KREMEN1: variants seen among roughly 807,000 people sequenced by gnomAD.
KREMEN1 encodes the protein kringle containing transmembrane protein 1.
In KREMEN1, 30 loss-of-function variants were observed where a neutral mutation model predicts 46.5. That is an observed-to-expected ratio of 0.65 (90% CI 0.48 to 0.88). KREMEN1 has a LOEUF of 0.88. KREMEN1 is among the 40% of genes least tolerant of loss of function. KREMEN1 has a pLI of 0.00. For synonymous variants in KREMEN1, 214 were observed against 230.6 expected, an observed-to-expected ratio of 0.93 and a Z score of 0.65; for missense variants, 533 against 596.9, an observed-to-expected ratio of 0.89 and a Z score of 1.11.
chr22:29,077,199 A>G (rs1234170310), intron 1 of KREMEN1, among the ~76,000 whole-genome samples: 4 of 152,216 alleles, frequency 2.6e-5, no homozygotes, highest in African/African-American at 9.6e-5. Context: ...AGAGGAAGAC[A>G]GTAAATAATA....
At chr22:29,137,240 A>G in intron 5 of KREMEN1, 102 bp from the exon 6 acceptor site, 2 of 768,796 alleles carry the variant, frequency 2.6e-6, no homozygotes, top group Admixed American at 5.5e-5. Context: ...AATGTCCTAA[A>G]TGGGATCCTG....
At chr22:29,164,389 C>T (rs550684457) in intron 9 of KREMEN1, among the ~76,000 whole-genome samples, 153 of 152,294 alleles carry the variant, frequency 1.0e-3, no homozygotes, top group African/African-American at 3.7e-3. Flanking sequence ...GTAACAGCGC[C>T]TTGCTATCAT....
chr22:29,121,274 A>G lies in KREMEN1; in HGVS notation c.353-83A>G. On this transcript the variant is annotated intron_variant, in intron 3 of 8. Transcript: ENST00000400335. ...GAGTGGAAATACTGGCTGAGATGAAAGTACCTGGCACAAATCGCTTTTCCT... is the reference window on the plus strand; with the variant it reads ...GAGTGGAAATACTGGCTGAGATGAAGGTACCTGGCACAAATCGCTTTTCCT... The G allele has an allele frequency of 1.5e-5, 23 of 1,527,498 alleles. 1 individual carries two copies. In the South Asian group the frequency reaches 2.4e-4, roughly 16 times the overall value. The allele number at this position is 1,527,498 out of a possible 1,614,324, so 94.6% of individuals were successfully genotyped here.
intron 1 of KREMEN1, among the ~76,000 whole-genome samples, chr22:29,092,536 C>T (rs1025320752): frequency 1.3e-5 from 2 of 152,228 alleles, no homozygotes; most frequent in African/African-American, 4.8e-5. Context: ...TGGTTTAGTG[C>T]ATTTTATGCG....
In KREMEN1 at chr22:29,073,667, TC is replaced by T. The variant is rs1483876012; in HGVS notation, c.97+445del. ...ATCCCGTCCCAAGTCCCCAGCGACT[TC>T]CCCCGGGCCGGGACGTCCTCTGCTC... is the stretch of plus-strand genomic sequence containing the variant. On this transcript the variant is annotated intron_variant, in intron 1 of 8. Transcript: ENST00000400335. This position sits in a 1 kb window ranked among gnomAD's most constrained non-coding sequence, Gnocchi z 4.4. Among the ~76,000 whole-genome samples, 2 of 113,570 alleles carry T rather than the reference TC, an allele frequency of 1.8e-5. No individual in the cohort carries two copies. The highest frequency in any genetic ancestry group is 8.5e-5 in the Admixed American group (1 of 11,832). 74.5% of individuals were successfully genotyped at this position (113,570 alleles called of 152,430 possible). A position where few individuals can be genotyped will look rare whatever the true frequency, so the allele number is the denominator to read the frequency against.
chr22:29,160,539 CAAAAAAAAA>C (rs132303), intron 9 of KREMEN1, among the ~76,000 whole-genome samples: 1 of 103,502 alleles, frequency 9.7e-6, no homozygotes. Context: ...GACTCCGTCT[CAAAAAAAAA>C]AAAAAAAAAA....
At chr22:29,135,031 T>G (rs2038634185) in intron 5 of KREMEN1, among the ~76,000 whole-genome samples, 1 of 152,206 alleles carries the variant, frequency 6.6e-6, no homozygotes, top group African/African-American at 2.4e-5. Context: ...GCCACCAGCC[T>G]GAGGTCTTTT....
At chr22:29,080,494 G>C (rs1449417129) in intron 1 of KREMEN1, among the ~76,000 whole-genome samples, 1 of 152,176 alleles carries the variant, frequency 6.6e-6, no homozygotes, top group Non-Finnish European at 1.5e-5. Context: ...AGCTTCACTG[G>C]CCTGGCTCAC....
At chr22:29,162,011 G>C (rs559852451) in intron 9 of KREMEN1, among the ~76,000 whole-genome samples, 1 of 151,894 alleles carries the variant, frequency 6.6e-6, no homozygotes, top group South Asian at 2.1e-4. Context: ...CCAGCTCCTC[G>C]GGAGGCTGAG....
chr22:29,120,064 G>A (rs1386923054), intron 3 of KREMEN1, among the ~76,000 whole-genome samples: 3 of 124,912 alleles, frequency 2.4e-5, no homozygotes, highest in Admixed American at 8.1e-5. Context: ...ACAGGGAGGA[G>A]GGAGAGGTGA....
chr22:29,082,040 A>C (rs891976245), intron 1 of KREMEN1, among the ~76,000 whole-genome samples: 1 of 151,598 alleles, frequency 6.6e-6, no homozygotes, highest in African/African-American at 2.4e-5. Flanking sequence ...TCTGACATTA[A>C]AAATAGGTCA....
intron 3 of KREMEN1, among the ~76,000 whole-genome samples, chr22:29,116,534 C>T (rs538449096): frequency 6.6e-6 from 1 of 152,256 alleles, no homozygotes; most frequent in African/African-American, 2.4e-5. Context: ...TGGATTTGCT[C>T]AACAAATTAA....
downstream of KREMEN1, among the ~76,000 whole-genome samples, chr22:29,147,114 C>T (rs866482226): frequency 2.0e-5 from 3 of 152,132 alleles, no homozygotes; most frequent in Admixed American, 6.5e-5. Flanking sequence ...GATCTGGGCT[C>T]GAGCCGGCCT....
intron 5 of KREMEN1, among the ~76,000 whole-genome samples, chr22:29,133,256 A>AG (rs1387631304): frequency 6.6e-6 from 1 of 150,790 alleles, no homozygotes; most frequent in Non-Finnish European, 1.5e-5. Flanking sequence ...TCAAAAAAAA[A>AG]AAAAAGAAAA....
chr22:29,084,988 G>A lies in KREMEN1; in HGVS notation c.98-9270G>A, dbSNP rs115674560. 7.8e-3 allele frequency among the ~76,000 whole-genome samples: 1,182 copies of A among 152,270 alleles called. 12 individuals are homozygous for A. Among genetic ancestry groups the A allele is most frequent in the African/African-American group, 0.027 (1,106 of 41,536 alleles). ...AGCTACTAGTACATAAAACATTACA[G>A]TGATTTTTGTTGTGGTAATTCCACT... On this transcript the variant is annotated intron_variant, in intron 1 of 8. Transcript: ENST00000400335.
At chr22:29,156,451 G>T (rs749173541) in intron 9 of KREMEN1, among the ~76,000 whole-genome samples, 67 of 152,254 alleles carry the variant, frequency 4.4e-4, no homozygotes, top group Non-Finnish European at 8.2e-4. Flanking sequence ...CAACCAGGGC[G>T]TCTGATCTTC....
At chr22:29,085,123 G>A (rs1025023760) in intron 1 of KREMEN1, among the ~76,000 whole-genome samples, 4 of 152,034 alleles carry the variant, frequency 2.6e-5, no homozygotes, top group African/African-American at 7.2e-5. Flanking sequence ...CTTTATGGCC[G>A]AATTTGTTTA....
At chr22:29,113,782 C>G (rs995289989) in intron 3 of KREMEN1, among the ~76,000 whole-genome samples, 19 of 152,216 alleles carry the variant, frequency 1.2e-4, no homozygotes, top group African/African-American at 4.3e-4. Flanking sequence ...AAAACCCACT[C>G]CTGAGCCACA....
chr22:29,094,119 T>G, intron 1 of KREMEN1, 139 bp from the exon 2 acceptor site: 1 of 662,998 alleles, frequency 1.5e-6, no homozygotes, highest in Non-Finnish European at 2.6e-6. Flanking sequence ...CCAGAAGTGT[T>G]AACTGCACTG....
Sources: allele counts gnomAD v4.1 joint callset (sites outside exome capture counted in the v4.1 genomes callset), GRCh38; gene constraint gnomAD v4.1.1; non-coding constraint Gnocchi (gnomAD v3.1); transcripts MANE v1.5; gene names NCBI Gene and HGNC (gene_info 2026-07-23, HGNC 2026-07-21).